The following C4orf17 variants were observed in gnomAD, a reference collection of about 807,000 sequenced individuals.
C4orf17 encodes the protein chromosome 4 open reading frame 17.
C4orf17 carries 25 observed loss-of-function variants against 32.0 expected under a neutral mutation model. That is an observed-to-expected ratio of 0.78 (90% CI 0.57 to 1.09). C4orf17 has a LOEUF of 1.09. C4orf17 is among the 50% of genes least tolerant of loss of function. The pLI is 0.00. For synonymous variants in C4orf17, 149 were observed against 145.8 expected, an observed-to-expected ratio of 1.02 and a Z score of -0.16; for missense variants, 420 against 420.0, an observed-to-expected ratio of 1.00 and a Z score of 0.00.
intron 5 of C4orf17, among the ~76,000 whole-genome samples, chr4:99,532,833 A>G (rs1476409552): frequency 1.3e-5 from 2 of 152,238 alleles, no homozygotes; most frequent in African/African-American, 2.4e-5. Context: ...AGCTGTTATA[A>G]GAATATGTAC....
intron 6 of C4orf17, 56 bp from the exon 7 acceptor site, chr4:99,539,107 C>G (rs1202098707): frequency 6.8e-7 from 1 of 1,474,810 alleles, no homozygotes; most frequent in Non-Finnish European, 9.5e-7. Context: ...GTGTTTCTAT[C>G]CAACATGATA....
chr4:99,536,550 A>G (rs1286635392), intron 5 of C4orf17, among the ~76,000 whole-genome samples: 1 of 152,200 alleles, frequency 6.6e-6, no homozygotes, highest in Non-Finnish European at 1.5e-5. Context: ...CTCCTTGTCC[A>G]GATGGCCTGC....
chr4:99,540,143 G>A (rs1723631475), intron 7 of C4orf17, among the ~76,000 whole-genome samples: 1 of 151,984 alleles, frequency 6.6e-6, no homozygotes, highest in African/African-American at 2.4e-5. Context: ...GTATCTTAAA[G>A]TTTCCATAAA....
At chr4:99,512,195 C>T (rs72906759) in intron 1 of C4orf17, among the ~76,000 whole-genome samples, 4,223 of 152,164 alleles carry the variant, frequency 0.028, 201 homozygotes, top group African/African-American at 0.096. Flanking sequence ...AATTCTGCTA[C>T]GATGAATAAG....
chr4:99,534,607 A>G (rs1235191194), intron 5 of C4orf17, among the ~76,000 whole-genome samples: 1 of 152,162 alleles, frequency 6.6e-6, no homozygotes, highest in African/African-American at 2.4e-5. Flanking sequence ...ACAGTGTAAA[A>G]TTGTTCCTTT....
At chr4:99,533,381 G>A (rs957295535) in intron 5 of C4orf17, among the ~76,000 whole-genome samples, 3 of 152,150 alleles carry the variant, frequency 2.0e-5, no homozygotes, top group African/African-American at 7.2e-5. Context: ...AATATATACA[G>A]AAATGATTTT....
chr4:99,513,324 T>C, intron 2 of C4orf17, 116 bp downstream of exon 2: 2 of 1,332,942 alleles, frequency 1.5e-6, no homozygotes, highest in African/African-American at 1.4e-5. Context: ...TGGAGAGGTA[T>C]GGGAATTGAC....
intron 1 of C4orf17, among the ~76,000 whole-genome samples, chr4:99,511,927 A>G (rs1415202088): frequency 6.6e-6 from 1 of 152,208 alleles, no homozygotes; most frequent in Non-Finnish European, 1.5e-5. Context: ...GTATTTATAT[A>G]TATCAAACTG....
chr4:99,522,824 TG>T, intron 3 of C4orf17, 115 bp downstream of exon 3: 1 of 741,756 alleles, frequency 1.3e-6, no homozygotes, highest in Admixed American at 2.9e-5. Flanking sequence ...GTTTCCTCAC[TG>T]TGAGGAACAT....
intron 6 of C4orf17, 35 bp downstream of exon 6, chr4:99,537,785 T>C: frequency 6.9e-7 from 1 of 1,455,392 alleles, no homozygotes; most frequent in Non-Finnish European, 9.6e-7. Context: ...AACACTGAGC[T>C]CAATTTATTG....
intron 5 of C4orf17, among the ~76,000 whole-genome samples, chr4:99,534,585 A>G (rs1723529611): frequency 6.6e-6 from 1 of 152,198 alleles, no homozygotes; most frequent in Admixed American, 6.5e-5. Context: ...GAACTAATTT[A>G]TACTCCCACC....
chr4:99,521,844 T>A (rs1307499105), intron 2 of C4orf17, among the ~76,000 whole-genome samples: 1 of 152,194 alleles, frequency 6.6e-6, no homozygotes, highest in Admixed American at 6.5e-5. Flanking sequence ...AGAGAACCTG[T>A]CTATAACTGA....
chr4:99,525,210 ATAGT>A (rs1394889928), intron 4 of C4orf17, among the ~76,000 whole-genome samples: 1 of 152,164 alleles, frequency 6.6e-6, no homozygotes, highest in Non-Finnish European at 1.5e-5. Flanking sequence ...ACTGTGTCTT[ATAGT>A]AGTTGTATGT....
At chr4:99,537,393 C>T (rs1017865232) in intron 5 of C4orf17, among the ~76,000 whole-genome samples, 7 of 152,092 alleles carry the variant, frequency 4.6e-5, no homozygotes, top group African/African-American at 1.4e-4. Context: ...AGGCAGACCC[C>T]CGCAGCTAAT....
Position 99,522,717 on chromosome 4 carries a change from G to T in C4orf17, c.337+8G>T. ...CTCCACGGCCTCATTCTGGTGAGTT[G>T]AGTTAGAACTGATGAAATGTTTCCT... On this transcript the variant is annotated splice_region_variant and intron_variant, in intron 3 of 8. Coordinates refer to ENST00000326581, the MANE Select transcript of C4orf17 (RefSeq NM_032149.3). 4 of 1,608,060 alleles carry T rather than the reference G, an allele frequency of 2.5e-6. No homozygotes were observed. The highest frequency in any genetic ancestry group is 3.4e-6 in the Non-Finnish European group (4 of 1,176,070).
In C4orf17 at chr4:99,522,612, T is replaced by C. The variant is rs1253595070; in HGVS notation, c.240T>C (p.Asn80=). The change falls in exon 3 of 9, where the codon AAT becomes AAC. Residue 80 remains asparagine (N), a synonymous_variant. Transcript: ENST00000326581. ...YLEKNRIPFA[N]CSYPSSTAVQ... is the part of the protein sequence containing the mutation. ...AGAAGAACAGGATACCATTTGCCAATTGCAGTTACCCCTCCAGCACTGCAG... is the reference window on the plus strand; with the variant it reads ...AGAAGAACAGGATACCATTTGCCAACTGCAGTTACCCCTCCAGCACTGCAG... The C allele has an allele frequency of 2.5e-6, 4 of 1,613,900 alleles. No homozygotes were observed. Among genetic ancestry groups the C allele is most frequent in the African/African-American group, 1.3e-5 (1 of 74,900 alleles).
At chr4:99,518,870 G>A (rs1277832432) in intron 2 of C4orf17, among the ~76,000 whole-genome samples, 1 of 151,530 alleles carries the variant, frequency 6.6e-6, no homozygotes, top group Non-Finnish European at 1.5e-5. Context: ...CCTCATTTTG[G>A]TTTAAATATC....
chr4:99,525,961 A>G (rs1301341586), intron 4 of C4orf17, among the ~76,000 whole-genome samples: 1 of 152,094 alleles, frequency 6.6e-6, no homozygotes, highest in African/African-American at 2.4e-5. Context: ...AATTTTTTCC[A>G]TCATAGTTTC....
At chr4:99,529,488 T>C (rs1317585363) in intron 4 of C4orf17, among the ~76,000 whole-genome samples, 1 of 152,138 alleles carries the variant, frequency 6.6e-6, no homozygotes, top group Non-Finnish European at 1.5e-5. Flanking sequence ...AGAGAAATCT[T>C]CCCAACTTAA....
Sources: allele counts gnomAD v4.1 joint callset (sites outside exome capture counted in the v4.1 genomes callset), GRCh38; gene constraint gnomAD v4.1.1; transcripts MANE v1.5; gene names NCBI Gene and HGNC (gene_info 2026-07-23, HGNC 2026-07-21).